Variants in LSAMP observed in about 807,000 individuals in gnomAD.
LSAMP encodes limbic system-associated membrane protein.
Under a neutral mutation model 38.6 loss-of-function variants are expected in LSAMP, and 7 were observed. That is an observed-to-expected ratio of 0.18 (90% confidence interval 0.10 to 0.34). The LOEUF (loss-of-function observed/expected upper bound fraction) is 0.34, where lower values mean the gene tolerates loss of function less well. Ranked by LOEUF, LSAMP falls within the 10% of genes least tolerant of loss-of-function variation. The pLI is 1.00. For synonymous variants in LSAMP, 154 were observed against 166.8 expected, an observed-to-expected ratio of 0.92 and a Z score of 0.59; for missense variants, 313 against 420.0, an observed-to-expected ratio of 0.75 and a Z score of 2.23.
chr3:116,173,532 C>T (rs1371404154), intron 1 of LSAMP, among the ~76,000 whole-genome samples: 1 of 151,934 alleles, frequency 6.6e-6, no homozygotes, highest in Non-Finnish European at 1.5e-5. Flanking sequence ...CTTCTGTTAC[C>T]ACTTTCTTTA....
At chr3:116,024,211 A>G (rs1576315179) in intron 2 of LSAMP, among the ~76,000 whole-genome samples, 1 of 152,198 alleles carries the variant, frequency 6.6e-6, no homozygotes, top group East Asian at 1.9e-4. Context: ...ACTAAACTGT[A>G]AGACGCACAG....
chr3:116,333,945 A>G (rs982811944), intron 1 of LSAMP, among the ~76,000 whole-genome samples: 1 of 151,940 alleles, frequency 6.6e-6, no homozygotes, highest in Admixed American at 6.6e-5. Context: ...AAAAAATAAT[A>G]AAGCAAAAAA....
At chr3:115,845,259 C>T (rs1249019777) in intron 4 of LSAMP, among the ~76,000 whole-genome samples, 1 of 152,150 alleles carries the variant, frequency 6.6e-6, no homozygotes. Flanking sequence ...CTTAAGCTGC[C>T]AGTGACTCCA....
intron 2 of LSAMP, among the ~76,000 whole-genome samples, chr3:116,047,186 T>C (rs976771319): frequency 2.0e-5 from 3 of 152,128 alleles, no homozygotes; most frequent in Non-Finnish European, 4.4e-5. Context: ...CGAATACATT[T>C]AAAAGATTAT....
intron 3 of LSAMP, among the ~76,000 whole-genome samples, chr3:115,890,338 G>T (rs992900577): frequency 1.3e-5 from 2 of 151,874 alleles, no homozygotes; most frequent in Non-Finnish European, 2.9e-5. Flanking sequence ...GTAACTATAT[G>T]TCATATAATA....
At chr3:116,203,504 T>G (rs984503713) in intron 1 of LSAMP, among the ~76,000 whole-genome samples, 2 of 151,152 alleles carry the variant, frequency 1.3e-5, no homozygotes, top group African/African-American at 2.4e-5. Context: ...ACCCACTAAC[T>G]CGTCATCTAG....
At chr3:116,212,787 G>A (rs1576436847) in intron 1 of LSAMP, among the ~76,000 whole-genome samples, 1 of 152,158 alleles carries the variant, frequency 6.6e-6, no homozygotes, top group South Asian at 2.1e-4. Context: ...ACTTTCATAT[G>A]TACATAGGGT....
intron 3 of LSAMP, among the ~76,000 whole-genome samples, chr3:115,933,337 T>G (rs1385328251): frequency 6.6e-6 from 1 of 152,026 alleles, no homozygotes; most frequent in Non-Finnish European, 1.5e-5. Flanking sequence ...CTCAGGTAAG[T>G]GGTAATAATA....
chr3:115,909,281 G>T (rs1449429941), intron 3 of LSAMP, among the ~76,000 whole-genome samples: 1 of 152,106 alleles, frequency 6.6e-6, no homozygotes, highest in Non-Finnish European at 1.5e-5. Flanking sequence ...ACCTGCCCAG[G>T]CATCACATCT....
chr3:115,845,682 G>A (rs909478030), intron 4 of LSAMP, among the ~76,000 whole-genome samples: 1 of 152,116 alleles, frequency 6.6e-6, no homozygotes, highest in Non-Finnish European at 1.5e-5. Context: ...GAGGTAAGTC[G>A]GCCACACTAA....
At chr3:116,014,789 A>G (rs1344873967) in intron 3 of LSAMP, among the ~76,000 whole-genome samples, 1 of 152,220 alleles carries the variant, frequency 6.6e-6, no homozygotes. Context: ...GTTACTTGCA[A>G]CAGGTACTTC....
chr3:116,388,106 A>C (rs552752221), intron 1 of LSAMP, among the ~76,000 whole-genome samples: 324 of 152,200 alleles, frequency 2.1e-3, no homozygotes, highest in African/African-American at 7.3e-3. Flanking sequence ...GCAAGTAGAG[A>C]GAGAGGGGCA....
At chr3:116,122,847 G>A (rs759378447) in intron 1 of LSAMP, among the ~76,000 whole-genome samples, 1 of 152,224 alleles carries the variant, frequency 6.6e-6, no homozygotes, top group Non-Finnish European at 1.5e-5. Context: ...TGGAAACCTT[G>A]GGTAAAACAC....
chr3:116,339,952 G>A (rs1423948883), intron 1 of LSAMP, among the ~76,000 whole-genome samples: 1 of 152,032 alleles, frequency 6.6e-6, no homozygotes, highest in Non-Finnish European at 1.5e-5. Flanking sequence ...TGTCTCCACT[G>A]TCTGCCCAAA....
chr3:116,178,460 G>A (rs1045016813), intron 1 of LSAMP, among the ~76,000 whole-genome samples: 8 of 152,080 alleles, frequency 5.3e-5, no homozygotes, highest in Non-Finnish European at 8.8e-5. Flanking sequence ...GAGCCACCAC[G>A]CCCGGCCAAA....
intron 1 of LSAMP, among the ~76,000 whole-genome samples, chr3:116,112,116 T>C (rs1031524310): frequency 2.0e-5 from 3 of 152,154 alleles, no homozygotes; most frequent in African/African-American, 4.8e-5. Context: ...AATAACAAAA[T>C]TGAAAGTTTT....
At chr3:116,434,565 G>A (rs2049322312) in intron 1 of LSAMP, among the ~76,000 whole-genome samples, 1 of 152,074 alleles carries the variant, frequency 6.6e-6, no homozygotes, top group Admixed American at 6.6e-5. Context: ...TGGAGTGAGG[G>A]GTAGAAGGAG....
intron 6 of LSAMP, among the ~76,000 whole-genome samples, chr3:115,832,161 G>C (rs1168084457): frequency 6.6e-6 from 1 of 152,128 alleles, no homozygotes; most frequent in Admixed American, 6.5e-5. Context: ...TCCAATGAGA[G>C]ATATTAATAA....
chr3:116,410,641 A>T (rs1465066192), intron 1 of LSAMP, among the ~76,000 whole-genome samples: 3 of 152,086 alleles, frequency 2.0e-5, no homozygotes, highest in African/African-American at 7.2e-5. Context: ...CAAGTACACA[A>T]TGGTTGTCCT....
Sources: gnomAD v4.1 joint callset for allele counts (sites outside exome capture counted in the v4.1 genomes callset) on GRCh38, gnomAD v4.1.1 for gene constraint, MANE v1.5 for transcripts, NCBI Gene and HGNC (gene_info 2026-07-23, HGNC 2026-07-21) for gene names.